The following RPS6KC1 variants were observed in gnomAD, a reference collection of about 807,000 sequenced individuals.
RPS6KC1 encodes the protein ribosomal protein S6 kinase C1, also known as inactive ribosomal protein S6 kinase delta-1.
RPS6KC1 carries 54 observed loss-of-function variants against 103.8 expected under a neutral mutation model. The observed-to-expected ratio is 0.52, with a 90% CI of 0.42 to 0.65. The LOEUF (loss-of-function observed/expected upper bound fraction) is 0.65. Among genes scored for constraint, RPS6KC1 ranks in the 30% least tolerant of loss-of-function variants. The pLI, the probability that RPS6KC1 is intolerant of heterozygous loss-of-function variation, is 0.00. For missense variants in RPS6KC1, 1,151 were observed against 1,253.8 expected (o/e 0.92, Z 1.24); for synonymous variants, 439 against 438.7 (o/e 1.00, Z -0.01).
the RPS6KC1 span, among the ~76,000 whole-genome samples, chr1:213,662,600 T>G: frequency 6.6e-6 from 1 of 152,204 alleles, no homozygotes; most frequent in Non-Finnish European, 1.5e-5. Flanking sequence ...TTCCAAAGCA[T>G]GACTTTAATC....
intron 12 of RPS6KC1, among the ~76,000 whole-genome samples, chr1:213,253,694 T>C (rs1273248275): frequency 6.6e-6 from 1 of 152,190 alleles, no homozygotes; most frequent in East Asian, 1.9e-4. Context: ...TCATGAAGCA[T>C]ACATCATGAT....
chr1:213,667,538 GT>G, the RPS6KC1 span, among the ~76,000 whole-genome samples: 1 of 152,192 alleles, frequency 6.6e-6, no homozygotes, highest in Non-Finnish European at 1.5e-5. Context: ...CTTTTTGCTG[GT>G]GGAAGGTCTT....
intron 6 of RPS6KC1, among the ~76,000 whole-genome samples, chr1:213,151,204 T>C (rs1327195648): frequency 7.8e-6 from 1 of 128,284 alleles, no homozygotes; most frequent in Non-Finnish European, 1.7e-5. Context: ...ATGGGGCGGC[T>C]GGCCAGGCGG....
chr1:213,452,878 C>G, the RPS6KC1 span, among the ~76,000 whole-genome samples: 30 of 152,312 alleles, frequency 2.0e-4, no homozygotes, highest in East Asian at 5.6e-3. Flanking sequence ...TTTGGAATGC[C>G]TTGTATGATT....
chr1:213,469,676 T>C, the RPS6KC1 span, among the ~76,000 whole-genome samples: 1 of 149,126 alleles, frequency 6.7e-6, no homozygotes, highest in Non-Finnish European at 1.5e-5. Context: ...ACAGTAAGTG[T>C]CTAAGTGTGC....
chr1:213,856,668 C>T, the RPS6KC1 span, among the ~76,000 whole-genome samples: 1 of 152,180 alleles, frequency 6.6e-6, no homozygotes, highest in East Asian at 1.9e-4. Flanking sequence ...CTAAGTATTG[C>T]ACCAAGAATA....
the RPS6KC1 span, among the ~76,000 whole-genome samples, chr1:213,645,854 C>G: frequency 6.6e-6 from 1 of 152,168 alleles, no homozygotes. Context: ...ACCCGCTGCT[C>G]CAGCTTCTGG....
At chr1:213,848,410 A>G in the RPS6KC1 span, among the ~76,000 whole-genome samples, 1 of 152,106 alleles carries the variant, frequency 6.6e-6, no homozygotes, top group Non-Finnish European at 1.5e-5. Flanking sequence ...GCTTCTTTGT[A>G]TCTGGCTCCT....
the RPS6KC1 span, among the ~76,000 whole-genome samples, chr1:213,646,015 T>C: frequency 1.3e-5 from 2 of 152,346 alleles, no homozygotes; most frequent in South Asian, 2.1e-4. Flanking sequence ...TATAGCAGCA[T>C]TTGCAGCTGA....
chr1:213,535,959 A>G, the RPS6KC1 span, among the ~76,000 whole-genome samples: 127 of 152,222 alleles, frequency 8.3e-4, 1 homozygote, highest in East Asian at 0.022. Context: ...ACTAAGCGAG[A>G]ACAAAGCTGA....
At chr1:213,317,241 T>G in the RPS6KC1 span, among the ~76,000 whole-genome samples, 1 of 152,316 alleles carries the variant, frequency 6.6e-6, no homozygotes, top group Non-Finnish European at 1.5e-5. Flanking sequence ...TTTTCTCCTT[T>G]CCCTAGCTCT....
the RPS6KC1 span, among the ~76,000 whole-genome samples, chr1:213,368,997 T>TG: frequency 1.3e-5 from 2 of 151,710 alleles, no homozygotes; most frequent in South Asian, 2.1e-4. Flanking sequence ...CTTCCACAGT[T>TG]GCGTACTGTC....
chr1:213,506,774 A>G, the RPS6KC1 span, among the ~76,000 whole-genome samples: 2 of 152,216 alleles, frequency 1.3e-5, no homozygotes, highest in African/African-American at 2.4e-5. Context: ...TTTTGATGCT[A>G]TAACTCAACG....
the RPS6KC1 span, among the ~76,000 whole-genome samples, chr1:213,508,085 A>G: frequency 8.5e-5 from 13 of 152,210 alleles, no homozygotes; most frequent in Admixed American, 7.9e-4. Flanking sequence ...TGTAAACACA[A>G]TGCTTGAGTG....
the RPS6KC1 span, chr1:213,819,599 T>C: frequency 6.6e-6 from 1 of 152,242 alleles, no homozygotes; most frequent in Non-Finnish European, 1.5e-5. Context: ...CATTTCCTTA[T>C]ATGCAGAGGA....
the RPS6KC1 span, among the ~76,000 whole-genome samples, chr1:213,602,038 T>TTCTTTTTCTTTCTTTC: frequency 2.6e-4 from 7 of 26,562 alleles, no homozygotes; most frequent in Non-Finnish European, 4.8e-4. Flanking sequence ...CTCTTTCTCT[T>TTCTTTTTCTTTCTTTC]TCTTTCTTTC....
intron 1 of RPS6KC1, among the ~76,000 whole-genome samples, chr1:213,063,357 T>C (rs2078014864): frequency 3.3e-5 from 5 of 152,228 alleles, no homozygotes. Context: ...TTTGGAGTCA[T>C]GGAGTTGTGA....
At chr1:213,129,479 G>T in intron 5 of RPS6KC1, 48 bp from the exon 6 acceptor site, 20 of 1,512,634 alleles carry the variant, frequency 1.3e-5, no homozygotes, top group Middle Eastern at 1.8e-4. Flanking sequence ...TATTCGTTTG[G>T]CTGATTCTCA....
chr1:213,557,742 A>G, the RPS6KC1 span, among the ~76,000 whole-genome samples: 1 of 152,132 alleles, frequency 6.6e-6, no homozygotes, highest in Non-Finnish European at 1.5e-5. Flanking sequence ...GTTATTGTTG[A>G]GGATTTTCTT....
Sources: allele counts gnomAD v4.1 joint callset (sites outside exome capture counted in the v4.1 genomes callset), GRCh38; gene constraint gnomAD v4.1.1; transcripts MANE v1.5; gene names NCBI Gene and HGNC (gene_info 2026-07-23, HGNC 2026-07-21).